The following KCNQ5 variants were observed in gnomAD, a reference collection of about 807,000 sequenced individuals.
The protein encoded by KCNQ5 is potassium voltage-gated channel subfamily KQT member 5.
KCNQ5 carries 30 observed loss-of-function variants against 98.2 expected under a neutral mutation model. That is an observed-to-expected ratio of 0.31 (90% CI 0.23 to 0.41). KCNQ5 has a LOEUF of 0.41. Among genes scored for constraint, KCNQ5 ranks in the 10% least tolerant of loss-of-function variants. KCNQ5 has a pLI of 1.00. For missense variants in KCNQ5, 835 were observed against 1,182.5 expected (o/e 0.71, Z 4.31); for synonymous variants, 458 against 449.4 (o/e 1.02, Z -0.24).
intron 10 of KCNQ5, among the ~76,000 whole-genome samples, chr6:73,144,972 A>G (rs1037887428): frequency 1.7e-4 from 26 of 152,242 alleles, no homozygotes; most frequent in African/African-American, 5.5e-4. Context: ...AGACAGAGAA[A>G]GAGATTCCAC....
intron 1 of KCNQ5, among the ~76,000 whole-genome samples, chr6:72,998,819 G>A (rs1769430373): frequency 6.7e-6 from 1 of 150,252 alleles, no homozygotes; most frequent in Non-Finnish European, 1.5e-5. Flanking sequence ...ATTATGCCAT[G>A]GAACACTTAC....
chr6:73,169,529 T>C (rs1406925735), intron 10 of KCNQ5, among the ~76,000 whole-genome samples: 1 of 152,190 alleles, frequency 6.6e-6, no homozygotes. Context: ...ATCTTGCCCG[T>C]AGAAAACAGT....
At chr6:72,909,056 T>A (rs774507347) in intron 1 of KCNQ5, among the ~76,000 whole-genome samples, 3 of 152,178 alleles carry the variant, frequency 2.0e-5, no homozygotes, top group Non-Finnish European at 4.4e-5. Flanking sequence ...AGAAAAATCC[T>A]AACACAGACC....
At chr6:73,059,536 C>T (rs1222182824) in intron 3 of KCNQ5, among the ~76,000 whole-genome samples, 1 of 151,974 alleles carries the variant, frequency 6.6e-6, no homozygotes, top group Admixed American at 6.6e-5. Context: ...ATATAACAAA[C>T]CTGCACATGT....
At chr6:73,022,575 C>T (rs1770655031) in intron 2 of KCNQ5, among the ~76,000 whole-genome samples, 1 of 152,020 alleles carries the variant, frequency 6.6e-6, no homozygotes, top group Non-Finnish European at 1.5e-5. Context: ...TGCCACTGCA[C>T]ACCAGCCTGG....
intron 1 of KCNQ5, among the ~76,000 whole-genome samples, chr6:72,744,176 G>A (rs1455059245): frequency 2.0e-5 from 3 of 152,180 alleles, no homozygotes; most frequent in Admixed American, 1.3e-4. Flanking sequence ...AGAGTAGGTG[G>A]GGAAGTGCAT....
At chr6:72,986,837 C>G in intron 1 of KCNQ5, 2 of 1,082,182 alleles carry the variant, frequency 1.8e-6, no homozygotes, top group Non-Finnish European at 2.9e-6. Context: ...GGCCCAGGAC[C>G]CCACAGCCCT....
chr6:72,662,081 C>G (rs1717094987), intron 1 of KCNQ5, among the ~76,000 whole-genome samples: 1 of 152,064 alleles, frequency 6.6e-6, no homozygotes, highest in African/African-American at 2.4e-5. Flanking sequence ...AATCTTTCTT[C>G]TTATTTCTTT....
intron 11 of KCNQ5, among the ~76,000 whole-genome samples, chr6:73,174,586 T>G (rs535529119): frequency 6.6e-5 from 10 of 152,198 alleles, no homozygotes; most frequent in Non-Finnish European, 1.0e-4. Flanking sequence ...AGTCTTTAGT[T>G]GAAGCTGACA....
At chr6:72,647,637 G>A (rs949610439) in intron 1 of KCNQ5, among the ~76,000 whole-genome samples, 1 of 152,066 alleles carries the variant, frequency 6.6e-6, no homozygotes, top group Non-Finnish European at 1.5e-5. Context: ...TGCATGTAAT[G>A]CCCCTGACCT....
chr6:73,099,281 C>T (rs1774660877), intron 5 of KCNQ5, among the ~76,000 whole-genome samples: 1 of 151,782 alleles, frequency 6.6e-6, no homozygotes, highest in Non-Finnish European at 1.5e-5. Context: ...AAACAAATAA[C>T]AAAATGGCAG....
chr6:72,765,222 A>T lies in KCNQ5; in HGVS notation c.398+142635A>T, dbSNP rs559110020. Among the ~76,000 whole-genome samples the T allele has an allele frequency of 4.1e-4, 63 of 152,104 alleles. 2 individuals carry two copies. In the South Asian group the frequency reaches 0.013, roughly 31 times the overall value. ...ATTGTTTTCCATAGTGGTTGTACTAATTTACATTCCCACCAACAGTGTACA... is the reference window on the plus strand; with the variant it reads ...ATTGTTTTCCATAGTGGTTGTACTATTTTACATTCCCACCAACAGTGTACA... On this transcript the variant is annotated intron_variant, in intron 1 of 13. Transcript: ENST00000370398.
chr6:72,969,052 T>A (rs1326741368), intron 1 of KCNQ5, among the ~76,000 whole-genome samples: 3 of 152,184 alleles, frequency 2.0e-5, no homozygotes, highest in Non-Finnish European at 4.4e-5. Flanking sequence ...GTAAGAACTG[T>A]TTGGTTGCTC....
At chr6:73,026,816 C>G (rs1054127412) in intron 2 of KCNQ5, among the ~76,000 whole-genome samples, 5 of 151,822 alleles carry the variant, frequency 3.3e-5, no homozygotes, top group Non-Finnish European at 2.9e-5. Context: ...TGGTGACAAC[C>G]CTATTAAGAA....
At chr6:72,925,163 T>G (rs1296761159) in intron 1 of KCNQ5, among the ~76,000 whole-genome samples, 2 of 152,136 alleles carry the variant, frequency 1.3e-5, no homozygotes, top group Admixed American at 1.3e-4. Context: ...CTCAGAAAGG[T>G]GTCTAAATAA....
intron 3 of KCNQ5, among the ~76,000 whole-genome samples, chr6:73,053,206 AATAG>A (rs368754788): frequency 2.6e-5 from 4 of 152,348 alleles, no homozygotes; most frequent in Middle Eastern, 3.4e-3. Context: ...AACTATCCTA[AATAG>A]ATATGCATCC....
intron 1 of KCNQ5, among the ~76,000 whole-genome samples, chr6:72,762,913 A>G (rs1772360018): frequency 1.3e-5 from 2 of 152,050 alleles, no homozygotes; most frequent in South Asian, 4.1e-4. Context: ...TTCCCAAGAT[A>G]TAATAGTAAT....
intron 1 of KCNQ5, among the ~76,000 whole-genome samples, chr6:72,988,910 G>C (rs1471935091): frequency 1.2e-4 from 8 of 67,242 alleles, no homozygotes; most frequent in Non-Finnish European, 2.0e-4. Flanking sequence ...GCGTTGTTTG[G>C]TTTTTTGTTC....
intron 1 of KCNQ5, among the ~76,000 whole-genome samples, chr6:72,713,696 A>G (rs1179097242): frequency 2.6e-5 from 4 of 152,224 alleles, no homozygotes; most frequent in Non-Finnish European, 5.9e-5. Flanking sequence ...GGCTAAAGGA[A>G]TAAGTGCTTG....
Sources: gnomAD v4.1 joint callset for allele counts (sites outside exome capture counted in the v4.1 genomes callset) on GRCh38, gnomAD v4.1.1 for gene constraint, MANE v1.5 for transcripts, NCBI Gene and HGNC (gene_info 2026-07-23, HGNC 2026-07-21) for gene names.